Variants in PLCB4 observed in about 807,000 individuals in gnomAD.
PLCB4 encodes phospholipase C beta 4, also known as 1-phosphatidylinositol 4,5-bisphosphate phosphodiesterase beta-4.
A neutral mutation model predicts 178.8 loss-of-function variants in PLCB4; 77 were observed. The ratio of observed to expected loss-of-function variants is 0.43; its 90% CI spans 0.36 to 0.52. The LOEUF is 0.52. PLCB4 is among the 20% of genes least tolerant of loss of function. The pLI, the probability that PLCB4 is intolerant of heterozygous loss-of-function variation, is 0.00. For missense variants in PLCB4, 1,024 were observed against 1,453.4 expected, an observed-to-expected ratio of 0.70 and a Z score of 4.80; for synonymous variants, 496 against 490.8, an observed-to-expected ratio of 1.01 and a Z score of -0.14.
chr20:9,249,656 G>A (rs1222757184), intron 3 of PLCB4, among the ~76,000 whole-genome samples: 3 of 152,040 alleles, frequency 2.0e-5, no homozygotes, highest in Non-Finnish European at 4.4e-5. Context: ...ACCTAACATA[G>A]TCACAGGCTC....
chr20:9,472,952 G>A, intron 37 of PLCB4, 105 bp downstream of exon 37: 4 of 662,438 alleles, frequency 6.0e-6, no homozygotes, highest in Non-Finnish European at 1.0e-5. Context: ...TGATTTTTCT[G>A]TACATTAAAC....
chr20:9,248,669 T>A (rs181444906), intron 3 of PLCB4, among the ~76,000 whole-genome samples: 1 of 152,322 alleles, frequency 6.6e-6, no homozygotes, highest in African/African-American at 2.4e-5. Context: ...ACTGACTCTT[T>A]TAACACACTG....
chr20:9,319,063 C>T (rs2094931109), intron 4 of PLCB4, among the ~76,000 whole-genome samples: 1 of 152,140 alleles, frequency 6.6e-6, no homozygotes, highest in Non-Finnish European at 1.5e-5. Flanking sequence ...GTTTCATTCT[C>T]TTTGCACACC....
intron 12 of PLCB4, among the ~76,000 whole-genome samples, chr20:9,378,888 C>T (rs928898189): frequency 3.3e-5 from 5 of 152,122 alleles, no homozygotes; most frequent in African/African-American, 1.2e-4. Context: ...GTATAGCTCA[C>T]TTTTCCAATG....
chr20:9,109,825 A>G (rs986231228), intron 2 of PLCB4, among the ~76,000 whole-genome samples: 4 of 152,138 alleles, frequency 2.6e-5, no homozygotes, highest in Admixed American at 6.6e-5. Context: ...GTTTTCAGTT[A>G]CAGCTTCAAA....
intron 9 of PLCB4, among the ~76,000 whole-genome samples, chr20:9,370,676 G>A (rs962829275): frequency 2.0e-5 from 3 of 152,074 alleles, no homozygotes; most frequent in Admixed American, 1.3e-4. Context: ...GGGAGGCCGA[G>A]GTGGGTGGAT....
intron 9 of PLCB4, 108 bp from the exon 10 acceptor site, chr20:9,371,106 C>T: frequency 1.3e-6 from 1 of 747,636 alleles, no homozygotes; most frequent in Non-Finnish European, 2.4e-6. Flanking sequence ...TTATTCTCCT[C>T]TTCCTTTTAC....
intron 2 of PLCB4, among the ~76,000 whole-genome samples, chr20:9,140,929 G>A (rs1398345357): frequency 6.6e-6 from 1 of 152,100 alleles, no homozygotes; most frequent in Non-Finnish European, 1.5e-5. Context: ...TATTTATCTT[G>A]ATGAAAGAAG....
intron 3 of PLCB4, among the ~76,000 whole-genome samples, chr20:9,235,317 T>C (rs1273649488): frequency 6.6e-6 from 1 of 152,150 alleles, no homozygotes. Flanking sequence ...CTGACTGAAG[T>C]TGAATGGACA....
At chr20:9,367,838 T>C (rs139099922) in intron 9 of PLCB4, among the ~76,000 whole-genome samples, 1 of 152,340 alleles carries the variant, frequency 6.6e-6, no homozygotes, top group Non-Finnish European at 1.5e-5. Context: ...CACCTTTTTG[T>C]AGAAATAGCT....
At chr20:9,204,811 C>T (rs1000588649) in intron 2 of PLCB4, among the ~76,000 whole-genome samples, 10 of 151,804 alleles carry the variant, frequency 6.6e-5, no homozygotes, top group African/African-American at 2.2e-4. Context: ...AAAGCCAGAG[C>T]CACGTGTGAT....
At chr20:9,370,616 G>A (rs965058068) in intron 9 of PLCB4, among the ~76,000 whole-genome samples, 7 of 152,070 alleles carry the variant, frequency 4.6e-5, no homozygotes, top group South Asian at 4.1e-4. Flanking sequence ...GTCCAAAAAT[G>A]TGTGTCCCAG....
At chr20:9,377,055 C>T (rs1302502889) in intron 12 of PLCB4, among the ~76,000 whole-genome samples, 2 of 152,130 alleles carry the variant, frequency 1.3e-5, no homozygotes, top group Non-Finnish European at 2.9e-5. Flanking sequence ...GTAAGCTTAT[C>T]CTTGCCAATT....
chr20:9,088,184 T>TTTC (rs1568725747), intron 1 of PLCB4, among the ~76,000 whole-genome samples: 2 of 110,816 alleles, frequency 1.8e-5, no homozygotes, highest in East Asian at 4.7e-4. Flanking sequence ...TTTTCTTTTT[T>TTTC]TTTTTTTTTT....
At chr20:9,219,821 T>C (rs2093776877) in intron 3 of PLCB4, among the ~76,000 whole-genome samples, 1 of 152,226 alleles carries the variant, frequency 6.6e-6, no homozygotes, top group Admixed American at 6.5e-5. Flanking sequence ...TGAGCATTTC[T>C]GGTTTTGTCT....
At chr20:9,463,041 A>G (rs990052692) in intron 35 of PLCB4, among the ~76,000 whole-genome samples, 1 of 152,200 alleles carries the variant, frequency 6.6e-6, no homozygotes, top group Non-Finnish European at 1.5e-5. Context: ...CCCACAAAGG[A>G]AAGTCTATCA....
intron 2 of PLCB4, among the ~76,000 whole-genome samples, chr20:9,198,592 C>T (rs1457991590): frequency 6.6e-6 from 1 of 152,182 alleles, no homozygotes; most frequent in Admixed American, 6.5e-5. Context: ...CTGCTTCAGT[C>T]TCCTGAATGA....
In PLCB4 at chr20:9,337,146, C is replaced by T; in HGVS notation, c.105C>T (p.Pro35=). 6.2e-7 allele frequency: 1 copy of T among 1,612,556 alleles called. No individual in the cohort carries two copies. Among genetic ancestry groups the T allele is most frequent in the Non-Finnish European group, 8.5e-7 (1 of 1,178,788 alleles). Residue 35 remains proline, a synonymous_variant, in exon 5 of 40, where the codon CCC becomes CCT. Coordinates refer to ENST00000378473, the MANE Select transcript of PLCB4 (RefSeq NM_001377142.1). ...RYEEESFVFE[P]NCLFKVDEFG... ...GACAGGAATCCTTTGTGTTTGAACC[C>T]AACTGCCTCTTCAAAGTGGATGAGT...
intron 2 of PLCB4, among the ~76,000 whole-genome samples, chr20:9,192,930 A>G (rs1340425470): frequency 2.0e-5 from 3 of 152,202 alleles, no homozygotes; most frequent in African/African-American, 7.2e-5. Context: ...AAAGGGGCCT[A>G]TGCAGATCTC....
Sources: gnomAD v4.1 joint callset for allele counts (sites outside exome capture counted in the v4.1 genomes callset) on GRCh38, gnomAD v4.1.1 for gene constraint, MANE v1.5 for transcripts, NCBI Gene and HGNC (gene_info 2026-07-23, HGNC 2026-07-21) for gene names.